The following PCDHGA10 variants were observed in gnomAD, a reference collection of about 807,000 sequenced individuals.
PCDHGA10 encodes protocadherin gamma subfamily A, 10.
PCDHGA10 carries 42 observed loss-of-function variants against 59.5 expected under a neutral mutation model. The observed-to-expected ratio is 0.71, with a 90% CI of 0.55 to 0.91. The LOEUF (loss-of-function observed/expected upper bound fraction) is 0.91, where lower values mean the gene tolerates loss of function less well. Ranked by LOEUF, PCDHGA10 falls within the 40% of genes least tolerant of loss-of-function variation. PCDHGA10 has a pLI of 0.00. For missense variants in PCDHGA10, 1,111 were observed against 1,198.2 expected, an observed-to-expected ratio of 0.93 and a Z score of 1.07; for synonymous variants, 511 against 517.2, an observed-to-expected ratio of 0.99 and a Z score of 0.16.
At chr5:141,427,304 C>G in intron 1 of PCDHGA10, 1 of 456,910 alleles carries the variant, frequency 2.2e-6, no homozygotes. Flanking sequence ...ATGAGAATGA[C>G]AATGCCCCAG....
intron 1 of PCDHGA10, among the ~76,000 whole-genome samples, chr5:141,449,205 A>G (rs991001366): frequency 6.6e-6 from 1 of 152,164 alleles, no homozygotes; most frequent in Admixed American, 6.5e-5. Context: ...GTTAATTCTA[A>G]CTTTCTGTTT....
chr5:141,428,436 A>G (rs922762798), intron 1 of PCDHGA10: 5 of 401,736 alleles, frequency 1.2e-5, no homozygotes, highest in Non-Finnish European at 2.3e-5. Flanking sequence ...CTAAGACTAG[A>G]CCAGGGGTTT....
chr5:141,435,467 G>A (rs1019246812), intron 1 of PCDHGA10, among the ~76,000 whole-genome samples: 3 of 152,146 alleles, frequency 2.0e-5, no homozygotes, highest in Non-Finnish European at 2.9e-5. Context: ...GTGTTTCCAA[G>A]TTAGACATTT....
rs1404447940 is a variant in PCDHGA10 at position 141,428,036 on chromosome 5, C to T, written c.2436+12425C>T. On this transcript the variant is annotated intron_variant, in intron 1 of 3. Transcript: ENST00000398610. ...TGCCACGCGCCGCAGAGTCCGGCTA[C>T]CTGGTGACCAAGGTGGTGGCGGTGG... The T allele has an allele frequency of 3.7e-6, 6 of 1,608,246 alleles. No homozygotes were observed. The African/African-American group carries it at 4.0e-5, about 11-fold the overall frequency.
At chr5:141,488,478 A>T (rs1251914951) in intron 1 of PCDHGA10, among the ~76,000 whole-genome samples, 5 of 152,072 alleles carry the variant, frequency 3.3e-5, no homozygotes, top group African/African-American at 4.8e-5. Flanking sequence ...ATGTTCCCCT[A>T]CCCAAAAACT....
intron 1 of PCDHGA10, among the ~76,000 whole-genome samples, chr5:141,467,571 A>T (rs1228156610): frequency 6.6e-6 from 1 of 152,212 alleles, no homozygotes; most frequent in African/African-American, 2.4e-5. Context: ...ATGGCTATCC[A>T]GTTGTCCCAA....
In PCDHGA10 at chr5:141,415,000, T is replaced by G; in HGVS notation, c.1825T>G (p.Ser609Ala). 1 of 1,613,660 alleles carries G rather than the reference T, an allele frequency of 6.2e-7. No homozygotes were observed. Among genetic ancestry groups the G allele is most frequent in the Non-Finnish European group, 8.5e-7 (1 of 1,180,020 alleles). ...DRDSGQNAWLSYRLLKASEPG... is the reference protein window; with the variant it reads ...DRDSGQNAWLAYRLLKASEPG... ...AGACTCCGGCCAGAACGCCTGGCTGTCCTACCGTCTGCTCAAGGCCAGCGA... is the reference window on the plus strand; with the variant it reads ...AGACTCCGGCCAGAACGCCTGGCTGGCCTACCGTCTGCTCAAGGCCAGCGA... Residue 609 changes from serine (S) to alanine (A), a missense_variant, in exon 1 of 4, where the codon TCC becomes GCC. Coordinates refer to ENST00000398610, the MANE Select transcript of PCDHGA10 (RefSeq NM_018913.3).
At chr5:141,437,903 A>G (rs1591482477) in intron 1 of PCDHGA10, among the ~76,000 whole-genome samples, 1 of 152,064 alleles carries the variant, frequency 6.6e-6, no homozygotes, top group East Asian at 1.9e-4. Context: ...ACACCCAGCT[A>G]ATTTTTGTAT....
rs1257933448 is a variant in PCDHGA10, at chr5:141,490,285, G to C, written c.2437-4522G>C. 3 of 1,614,106 alleles carry C rather than the reference G, an allele frequency of 1.9e-6. No homozygotes were observed. In the African/African-American group the frequency reaches 4.0e-5, roughly 22 times the overall value. On this transcript the variant is annotated intron_variant, in intron 1 of 3. Coordinates refer to ENST00000398610, the MANE Select transcript of PCDHGA10 (RefSeq NM_018913.3). This position sits in a 1 kb window ranked among gnomAD's most constrained non-coding sequence, Gnocchi z 5.4. ...GGGGGATGTCAATGACAATGCCCCAGAGGTGCTATTGGCCTCTTTGGCCAA... is the reference window on the plus strand; with the variant it reads ...GGGGGATGTCAATGACAATGCCCCACAGGTGCTATTGGCCTCTTTGGCCAA...
chr5:141,437,617 C>G (rs570138576), intron 1 of PCDHGA10, among the ~76,000 whole-genome samples: 1 of 152,220 alleles, frequency 6.6e-6, no homozygotes, highest in South Asian at 2.1e-4. Context: ...CTGCTTTATC[C>G]CCATATAAGA....
At chr5:141,461,603 G>A (rs1413122199) in intron 1 of PCDHGA10, among the ~76,000 whole-genome samples, 8 of 152,092 alleles carry the variant, frequency 5.3e-5, no homozygotes, top group African/African-American at 1.9e-4. Context: ...TTATAATTTA[G>A]TTCAAAGTAT....
At chr5:141,498,863 G>A (rs1311199561) in intron 2 of PCDHGA10, among the ~76,000 whole-genome samples, 2 of 151,466 alleles carry the variant, frequency 1.3e-5, no homozygotes, top group South Asian at 2.1e-4. Context: ...AACCCAGGAG[G>A]CGGAGGTTGC....
chr5:141,510,426 T>C (rs983368750), intron 3 of PCDHGA10, among the ~76,000 whole-genome samples: 1 of 152,084 alleles, frequency 6.6e-6, no homozygotes, highest in African/African-American at 2.4e-5. Flanking sequence ...CATGGTTTCA[T>C]GGCTGCTGCC....
At chr5:141,480,046 A>G (rs919527311) in intron 1 of PCDHGA10, among the ~76,000 whole-genome samples, 1 of 152,206 alleles carries the variant, frequency 6.6e-6, no homozygotes, top group Non-Finnish European at 1.5e-5. Context: ...ATATGCAAAA[A>G]GGGAATAATA....
Position 141,496,980 on chromosome 5 carries a change from G to A in PCDHGA10, c.2495+2115G>A, listed in dbSNP as rs186715298. On this transcript the variant is annotated intron_variant, in intron 2 of 3. Coordinates refer to ENST00000398610, the MANE Select transcript of PCDHGA10 (RefSeq NM_018913.3). ...GTGGGTAGATCACTTGAGGTCAGGG[G>A]TTTGAGACCAGCCTGGCAGCCAACA... Among the ~76,000 whole-genome samples the A allele has an allele frequency of 1.6e-3, 236 of 152,074 alleles. 2 individuals are homozygous for A. Among genetic ancestry groups the A allele is most frequent in the South Asian group, 7.5e-3 (36 of 4,814 alleles).
intron 1 of PCDHGA10, chr5:141,422,184 A>T: frequency 6.4e-7 from 1 of 1,561,838 alleles, no homozygotes; most frequent in Non-Finnish European, 8.6e-7. Context: ...ATGAGATGGA[A>T]ATTCAAGGCC....
Position 141,414,748 on chromosome 5 carries a change from G to A in PCDHGA10, c.1573G>A (p.Asp525Asn). ...TGVLYALRSF[D>N]YEQFHELQMQ... ...CGTCCTGTATGCACTCAGATCCTTC[G>A]ACTATGAGCAGTTTCATGAGCTACA... Residue 525 changes from aspartate (D) to asparagine (N), a missense_variant, in exon 1 of 4, where the codon GAC becomes AAC. Transcript: ENST00000398610. 5 of 1,614,182 alleles carry A rather than the reference G, an allele frequency of 3.1e-6. No individual in the cohort carries two copies. The highest frequency in any genetic ancestry group is 4.2e-6 in the Non-Finnish European group (5 of 1,180,038).
At position 141,511,349 on chromosome 5, in the gene PCDHGA10, C is replaced by CG; in HGVS notation, c.*176_*177insG. On this transcript the variant is annotated 3_prime_UTR_variant, in exon 4 of 4. Coordinates refer to ENST00000398610, the MANE Select transcript of PCDHGA10 (RefSeq NM_018913.3). The stretch of plus-strand genomic sequence containing the variant: ...GCCCAGTCAGCACCTACCCCTTCCC[C>CG]CCCAGGGGGTTGAATATGCAAAAGC... 7.1e-7 allele frequency: 1 copy of CG among 1,401,498 alleles called. No homozygotes were observed. Among genetic ancestry groups the CG allele is most frequent in the African/African-American group, 1.5e-5 (1 of 68,948 alleles). 86.8% of individuals were successfully genotyped at this position (1,401,498 alleles called of 1,614,324 possible).
chr5:141,494,762 A>G (rs770570158), intron 1 of PCDHGA10, 45 bp from the exon 2 acceptor site: 1 of 1,613,200 alleles, frequency 6.2e-7, no homozygotes, highest in South Asian at 1.1e-5. Flanking sequence ...TGACATTCTA[A>G]CTTCTCACGG....
Sources: gnomAD v4.1 joint callset for allele counts (sites outside exome capture counted in the v4.1 genomes callset) on GRCh38, gnomAD v4.1.1 for gene constraint, Gnocchi (gnomAD v3.1) non-coding constraint, MANE v1.5 for transcripts, NCBI Gene and HGNC (gene_info 2026-07-23, HGNC 2026-07-21) for gene names.